The following VRK2 variants were observed in gnomAD, a reference collection of about 807,000 sequenced individuals.
VRK2 encodes the protein serine/threonine-protein kinase VRK2.
In VRK2, 60 loss-of-function variants were observed where a neutral mutation model predicts 57.6. The ratio of observed to expected loss-of-function variants is 1.04; its 90% confidence interval spans 0.85 to 1.29. The LOEUF is 1.29. VRK2 is among the 50% of genes most tolerant of loss of function. VRK2 has a pLI of 0.00. For synonymous variants in VRK2, 231 were observed against 199.2 expected (o/e 1.16, Z -1.35); for missense variants, 705 against 588.1 (o/e 1.20, Z -2.06).
intron 1 of VRK2, among the ~76,000 whole-genome samples, chr2:57,924,963 T>C (rs1251546981): frequency 2.0e-5 from 3 of 152,062 alleles, no homozygotes; most frequent in South Asian, 2.1e-4. Flanking sequence ...TCGATTGAAA[T>C]GATCATATAG....
At chr2:58,131,699 G>A (rs1679211433) in intron 8 of VRK2, 109 bp from the exon 9 acceptor site, 7 of 1,276,188 alleles carry the variant, frequency 5.5e-6, no homozygotes, top group South Asian at 1.7e-5. Flanking sequence ...AAAACATTTT[G>A]CCTATTTGGC....
At chr2:58,001,026 G>T (rs1572762910) in intron 1 of VRK2, among the ~76,000 whole-genome samples, 2 of 152,054 alleles carry the variant, frequency 1.3e-5, no homozygotes, top group South Asian at 4.1e-4. Context: ...TATACATAAT[G>T]TAATATTTTA....
chr2:57,993,263 A>G (rs1057313462), intron 1 of VRK2, among the ~76,000 whole-genome samples: 2 of 152,176 alleles, frequency 1.3e-5, no homozygotes, highest in Non-Finnish European at 2.9e-5. Flanking sequence ...GTACTGTAAC[A>G]CAATCTTATT....
chr2:58,039,545 CCTT>C (rs1286080321), intron 3 of VRK2, among the ~76,000 whole-genome samples: 9 of 152,048 alleles, frequency 5.9e-5, no homozygotes, highest in African/African-American at 2.2e-4. Context: ...TGAGATCACT[CCTT>C]GTCTTTCCCC....
chr2:58,144,723 A>G (rs1365392468), intron 11 of VRK2, among the ~76,000 whole-genome samples: 2 of 151,992 alleles, frequency 1.3e-5, no homozygotes, highest in Non-Finnish European at 2.9e-5. Context: ...GGTGACATAA[A>G]TTTTCCCAGT....
chr2:57,928,171 C>T (rs1361541977), intron 1 of VRK2, among the ~76,000 whole-genome samples: 1 of 152,078 alleles, frequency 6.6e-6, no homozygotes, highest in Non-Finnish European at 1.5e-5. Flanking sequence ...ATTTGCCCTT[C>T]TGAGGCTATC....
upstream of VRK2, chr2:58,046,429 G>A (rs1674756302): frequency 4.2e-6 from 4 of 944,870 alleles, no homozygotes; most frequent in Non-Finnish European, 3.8e-6. Context: ...GCGAGAGCTC[G>A]GTAAGGACTA....
At chr2:58,077,498 A>G (rs927240078) in intron 2 of VRK2, among the ~76,000 whole-genome samples, 2 of 151,950 alleles carry the variant, frequency 1.3e-5, no homozygotes, top group African/African-American at 4.8e-5. Flanking sequence ...CAAAGAACCT[A>G]TACCTCTAAG....
intron 1 of VRK2, among the ~76,000 whole-genome samples, chr2:57,914,803 A>G (rs1670096077): frequency 1.3e-5 from 2 of 152,200 alleles, no homozygotes; most frequent in African/African-American, 2.4e-5. Context: ...CTCTATTATT[A>G]AAATATGTCA....
At chr2:57,969,041 T>C (rs1295011233) in intron 1 of VRK2, among the ~76,000 whole-genome samples, 5 of 152,124 alleles carry the variant, frequency 3.3e-5, no homozygotes, top group African/African-American at 1.2e-4. Context: ...GATTTTCTTT[T>C]TTCAAAACAC....
At chr2:57,935,245 C>T in intron 1 of VRK2, among the ~76,000 whole-genome samples, 1 of 152,150 alleles carries the variant, frequency 6.6e-6, no homozygotes, top group East Asian at 1.9e-4. Flanking sequence ...CTTCATCAGT[C>T]AGCCCAGCTA....
chr2:57,997,199 T>C (rs922577110), intron 1 of VRK2, among the ~76,000 whole-genome samples: 3 of 152,156 alleles, frequency 2.0e-5, no homozygotes, highest in African/African-American at 2.4e-5. Context: ...TCAGGGATTT[T>C]GACTCTGGAT....
At chr2:57,945,192 TG>T (rs1232016843) in intron 1 of VRK2, among the ~76,000 whole-genome samples, 1 of 152,180 alleles carries the variant, frequency 6.6e-6, no homozygotes, top group Admixed American at 6.5e-5. Flanking sequence ...ATTTTTAACT[TG>T]AAAAAATCTT....
intron 1 of VRK2, among the ~76,000 whole-genome samples, chr2:57,964,879 CAAAAAAAAAAA>C (rs540446220): frequency 2.1e-4 from 10 of 47,866 alleles, no homozygotes; most frequent in Non-Finnish European, 2.9e-4. Flanking sequence ...GAATCCATCT[CAAAAAAAAAAA>C]AAAAAAAAAA....
At chr2:58,050,781 A>G (rs560332418) in intron 2 of VRK2, among the ~76,000 whole-genome samples, 7 of 152,302 alleles carry the variant, frequency 4.6e-5, no homozygotes, top group African/African-American at 1.4e-4. Context: ...CATGTGACTT[A>G]CTTGTCCCTA....
intron 1 of VRK2, among the ~76,000 whole-genome samples, chr2:57,929,117 C>G (rs766816838): frequency 2.4e-4 from 36 of 152,172 alleles, no homozygotes; most frequent in Non-Finnish European, 4.0e-4. Flanking sequence ...GCAAAGCCAG[C>G]CAAGCTTGTC....
intron 8 of VRK2, among the ~76,000 whole-genome samples, chr2:58,126,459 A>G (rs1245656947): frequency 6.6e-6 from 1 of 152,150 alleles, no homozygotes; most frequent in Non-Finnish European, 1.5e-5. Context: ...TCTAATTCAA[A>G]TTTACATAAA....
At chr2:58,115,850 G>A (rs1479342698) in intron 7 of VRK2, among the ~76,000 whole-genome samples, 3 of 152,174 alleles carry the variant, frequency 2.0e-5, no homozygotes, top group African/African-American at 7.2e-5. Flanking sequence ...TCTAAGTGAA[G>A]GCAAAGAGAG....
At chr2:58,004,006 A>T (rs184334386) in intron 1 of VRK2, among the ~76,000 whole-genome samples, 2 of 152,222 alleles carry the variant, frequency 1.3e-5, no homozygotes, top group African/African-American at 2.4e-5. Flanking sequence ...CCATTTTGCA[A>T]ATATTAGGAA....
Sources: allele counts gnomAD v4.1 joint callset (sites outside exome capture counted in the v4.1 genomes callset), GRCh38; gene constraint gnomAD v4.1.1; transcripts MANE v1.5; gene names NCBI Gene and HGNC (gene_info 2026-07-23, HGNC 2026-07-21).